The following PARP15 variants were observed in gnomAD, a reference collection of about 807,000 sequenced individuals.
The protein encoded by PARP15 is protein mono-ADP-ribosyltransferase PARP15.
In PARP15, 50 loss-of-function variants were observed where a neutral mutation model predicts 62.1. The ratio of observed to expected loss-of-function variants is 0.81; its 90% CI spans 0.64 to 1.02. The LOEUF is 1.02. Ranked by LOEUF, PARP15 falls within the 50% of genes least tolerant of loss-of-function variation. The pLI, the probability that PARP15 is intolerant of heterozygous loss-of-function variation, is 0.00. For missense variants in PARP15, 820 were observed against 826.5 expected (o/e 0.99, Z 0.10); for synonymous variants, 309 against 293.1 (o/e 1.05, Z -0.55).
intron 2 of PARP15, 53 bp downstream of exon 2, chr3:122,606,108 T>C: frequency 6.6e-7 from 1 of 1,507,956 alleles, no homozygotes; most frequent in East Asian, 2.5e-5. Context: ...TCTATTTAAC[T>C]TGTTCTGTGA....
At chr3:122,621,633 A>G (rs1936354179) in intron 8 of PARP15, 22 bp downstream of exon 8, 1 of 1,557,094 alleles carries the variant, frequency 6.4e-7, no homozygotes, top group African/African-American at 1.4e-5. Context: ...ATCATTCTAT[A>G]ATAAAATTTG....
Position 122,635,054 on chromosome 3 carries a change from G to C in PARP15, c.1607G>C (p.Ser536Thr), listed in dbSNP as rs756878221. 13 of 1,613,872 alleles carry C rather than the reference G, an allele frequency of 8.1e-6. No homozygotes were observed. In the South Asian group the frequency reaches 1.4e-4, roughly 18 times the overall value. ...ERIQNAFLWQ[S>T]YQVKKRQMDI... The stretch of plus-strand genomic sequence containing the variant: ...ATACAGAATGCATTTCTCTGGCAGA[G>C]CTACCAGGTAAAGAAAAGGCAAATG... The change falls in exon 11 of 12, where the codon AGC becomes ACC. Residue 536 changes from serine to threonine, a missense_variant. This residue lies in a region of PARP15 where 731 missense variants were observed against 727.7 expected (regional missense o/e 1.00). Coordinates refer to ENST00000464300, the MANE Select transcript of PARP15 (RefSeq NM_001113523.3).
At chr3:122,615,267 T>C in intron 4 of PARP15, 2 of 1,288,144 alleles carry the variant, frequency 1.6e-6, no homozygotes, top group Non-Finnish European at 2.0e-6. Flanking sequence ...CTAACGTGGA[T>C]TTTCGTGTTT....
At chr3:122,608,594 A>G (rs539629756) in intron 2 of PARP15, among the ~76,000 whole-genome samples, 1 of 152,030 alleles carries the variant, frequency 6.6e-6, no homozygotes, top group Admixed American at 6.5e-5. Flanking sequence ...AATTATAGCC[A>G]TTCTTCAAGG....
At chr3:122,630,066 CT>C in intron 9 of PARP15, among the ~76,000 whole-genome samples, 1 of 152,286 alleles carries the variant, frequency 6.6e-6, no homozygotes, top group African/African-American at 2.4e-5. Flanking sequence ...AAACACTAAT[CT>C]TTTCAAAGAG....
At chr3:122,635,646 TA>T (rs1337733915) in intron 11 of PARP15, among the ~76,000 whole-genome samples, 164 bp from the exon 12 acceptor site, 2 of 152,220 alleles carry the variant, frequency 1.3e-5, no homozygotes, top group African/African-American at 4.8e-5. Context: ...CTCCTGGCCT[TA>T]AGCAATCCTC....
At chr3:122,596,112 A>G (rs1934320531) in intron 1 of PARP15, among the ~76,000 whole-genome samples, 1 of 151,714 alleles carries the variant, frequency 6.6e-6, no homozygotes. Flanking sequence ...TAATCCCAGC[A>G]CTTTGGGAGG....
At position 122,610,544 on chromosome 3, in the gene PARP15, A is replaced by T. The variant is rs1428215039; in HGVS notation, c.357A>T (p.Gly119=). 1 of 1,551,566 alleles carries T rather than the reference A, an allele frequency of 6.4e-7. No individual in the cohort carries two copies. The highest frequency in any genetic ancestry group is 1.4e-5 in the African/African-American group (1 of 73,040). The change falls in exon 3 of 12, where the codon GGA becomes GGT. Residue 119 remains glycine, a synonymous_variant. Transcript: ENST00000464300. ...SVPMNLQLGG[G]PLSRAFLQKA... is the part of the protein sequence containing the mutation. ...CCATGAATCTTCAGCTTGGAGGAGG[A>T]CCACTATCTCGGGCATTTTTGCAGA...
intron 1 of PARP15, among the ~76,000 whole-genome samples, chr3:122,580,075 T>C (rs2080773246): frequency 6.7e-6 from 1 of 148,516 alleles, no homozygotes; most frequent in South Asian, 2.1e-4. Flanking sequence ...ATTTGTCTTA[T>C]GGACACAATA....
chr3:122,615,095 C>G (rs940543450), intron 4 of PARP15: 4 of 975,802 alleles, frequency 4.1e-6, no homozygotes, highest in Admixed American at 6.3e-5. Context: ...AAAGTAGAAA[C>G]AGTCCCAAAG....
At chr3:122,628,449 A>C (rs1040589755) in intron 9 of PARP15, among the ~76,000 whole-genome samples, 1 of 152,140 alleles carries the variant, frequency 6.6e-6, no homozygotes, top group Non-Finnish European at 1.5e-5. Context: ...TGTACCTACT[A>C]TAGTATCTAG....
rs577142724 is a variant in PARP15 at position 122,593,812 on chromosome 3, G to C, written c.187-12124G>C. ...TATTTACATTTATAGAAATTTTGTC[G>C]CTTGTTTTGAAAAGGTAGAATCCTA... On this transcript the variant is annotated intron_variant, in intron 1 of 11. Transcript: ENST00000464300. Among the ~76,000 whole-genome samples the C allele has an allele frequency of 1.1e-4, 17 of 151,842 alleles. No individual in the cohort carries two copies. The South Asian group carries it at 2.9e-3, about 26-fold the overall frequency.
rs557379797 is a variant in PARP15 at position 122,596,008 on chromosome 3, C to G, written c.187-9928C>G. Among the ~76,000 whole-genome samples the G allele has an allele frequency of 2.0e-5, 3 of 152,162 alleles. No individual in the cohort carries two copies. In the East Asian group the frequency reaches 5.8e-4, roughly 29 times the overall value. ...TCTGCAGTCAAGACTCTCTCCTAAACTCCAGTATCTATGCTCATTGCCCAG... is the reference window on the plus strand; with the variant it reads ...TCTGCAGTCAAGACTCTCTCCTAAAGTCCAGTATCTATGCTCATTGCCCAG... On this transcript the variant is annotated intron_variant, in intron 1 of 11. Coordinates refer to ENST00000464300, the MANE Select transcript of PARP15 (RefSeq NM_001113523.3).
intron 4 of PARP15, among the ~76,000 whole-genome samples, chr3:122,614,767 G>A (rs949132828): frequency 1.4e-4 from 22 of 152,232 alleles, no homozygotes; most frequent in African/African-American, 4.3e-4. Flanking sequence ...AGTGGCTCAC[G>A]CCTATAATCC....
At chr3:122,601,036 G>C (rs372882444) in intron 1 of PARP15, among the ~76,000 whole-genome samples, 1 of 73,036 alleles carries the variant, frequency 1.4e-5, no homozygotes. Flanking sequence ...GTCTTTTATG[G>C]TTTTTTTTTT....
At chr3:122,616,989 T>C in intron 5 of PARP15, 26 bp from the exon 6 acceptor site, 1 of 1,610,270 alleles carries the variant, frequency 6.2e-7, no homozygotes, top group Non-Finnish European at 8.5e-7. Context: ...GCCAGCCCAT[T>C]CTTTACCTAT....
chr3:122,593,302 CT>C (rs1284009310), intron 1 of PARP15, among the ~76,000 whole-genome samples: 3 of 152,042 alleles, frequency 2.0e-5, no homozygotes, highest in African/African-American at 7.2e-5. Context: ...CCATGCCTGG[CT>C]AATTTTTTTT....
At chr3:122,615,988 G>A (rs1935939454) in intron 5 of PARP15, 131 bp downstream of exon 5, 1 of 841,366 alleles carries the variant, frequency 1.2e-6, no homozygotes, top group African/African-American at 1.7e-5. Flanking sequence ...GGAGGTGTTA[G>A]AGCATGTCCC....
chr3:122,577,917 C>A, intron 1 of PARP15, 64 bp downstream of exon 1: 1 of 1,443,402 alleles, frequency 6.9e-7, no homozygotes, highest in Non-Finnish European at 9.1e-7. Context: ...GCCCGCAAGA[C>A]CCAGCAGCCC....
Sources: allele counts gnomAD v4.1 joint callset (sites outside exome capture counted in the v4.1 genomes callset), GRCh38; gene constraint gnomAD v4.1.1; regional missense constraint gnomAD v4.1.1; transcripts MANE v1.5; gene names NCBI Gene and HGNC (gene_info 2026-07-23, HGNC 2026-07-21).